EYS: variants seen among roughly 807,000 people sequenced by gnomAD.
EYS encodes EGF-like photoreceptor maintenance factor.
A neutral mutation model predicts 282.1 loss-of-function variants in EYS; 250 were observed. The ratio of observed to expected loss-of-function variants is 0.89; its 90% CI spans 0.80 to 0.98. EYS has a LOEUF of 0.98. Among genes scored for constraint, EYS ranks in the 50% least tolerant of loss-of-function variants. EYS has a pLI of 0.00. For missense variants in EYS, 4,016 were observed against 3,709.0 expected (o/e 1.08, Z -2.15); for synonymous variants, 1,355 against 1,282.9 (o/e 1.06, Z -1.20).
At chr6:65,378,430 TTGG>T (rs1428356828) in intron 8 of EYS, among the ~76,000 whole-genome samples, 3 of 152,138 alleles carry the variant, frequency 2.0e-5, no homozygotes, top group African/African-American at 7.2e-5. Flanking sequence ...TTTTACACTG[TTGG>T]TGGGAGTGTA....
intron 15 of EYS, among the ~76,000 whole-genome samples, chr6:64,925,201 G>A (rs908706296): frequency 3.3e-5 from 5 of 152,130 alleles, no homozygotes; most frequent in Non-Finnish European, 5.9e-5. Flanking sequence ...AAGCAAAAGC[G>A]AAAACCCCTG....
In EYS at chr6:64,673,134, T is replaced by C. The variant is rs566188135; in HGVS notation, c.3444-46889A>G. Among the ~76,000 whole-genome samples, 83 of 152,294 alleles carry C rather than the reference T, an allele frequency of 5.4e-4. 1 individual carries two copies. The South Asian group carries it at 0.017, about 31-fold the overall frequency. ...TTGGAATATTTGTTTTAATAATTTC[T>C]GTAAAAACAAAATGCCATAGAATTT... On this transcript the variant is annotated intron_variant, in intron 22 of 42. Coordinates refer to ENST00000503581, the MANE Select transcript of EYS (RefSeq NM_001142800.2).
intron 31 of EYS, among the ~76,000 whole-genome samples, chr6:64,096,438 C>T (rs1317121155): frequency 6.6e-6 from 1 of 152,148 alleles, no homozygotes; most frequent in Non-Finnish European, 1.5e-5. Flanking sequence ...TTCTTAGAGG[C>T]TTTGTTCATT....
At chr6:64,350,996 C>T (rs1462529915) in intron 29 of EYS, among the ~76,000 whole-genome samples, 4 of 151,188 alleles carry the variant, frequency 2.6e-5, no homozygotes, top group Non-Finnish European at 3.0e-5. Flanking sequence ...GTGTTTGCTT[C>T]GCCTTCCAAC....
intron 30 of EYS, among the ~76,000 whole-genome samples, chr6:64,257,339 T>C (rs1457055545): frequency 1.3e-5 from 2 of 152,042 alleles, no homozygotes; most frequent in East Asian, 3.9e-4. Context: ...AATTTCTCCC[T>C]TTTTCTATTT....
chr6:64,519,824 G>C (rs1281300834), intron 26 of EYS, among the ~76,000 whole-genome samples: 1 of 151,752 alleles, frequency 6.6e-6, no homozygotes, highest in Non-Finnish European at 1.5e-5. Context: ...GGGGAGGAAG[G>C]GATGTCAAAA....
chr6:64,513,729 T>C (rs1777475948), intron 26 of EYS, among the ~76,000 whole-genome samples: 1 of 151,868 alleles, frequency 6.6e-6, no homozygotes, highest in Non-Finnish European at 1.5e-5. Flanking sequence ...ATGTATTAAC[T>C]CAGTGAATAT....
chr6:65,060,190 T>C lies in EYS; in HGVS notation c.2024-2463A>G, dbSNP rs200192747. Reference sequence around the variant, plus strand: ...AATGAGGATAAAGAATTTATGATCTTAGACATCAGGAGGGTTTGACAAGAC... The same window carrying C: ...AATGAGGATAAAGAATTTATGATCTCAGACATCAGGAGGGTTTGACAAGAC... On this transcript the variant is annotated intron_variant, in intron 12 of 42. Coordinates refer to ENST00000503581, the MANE Select transcript of EYS (RefSeq NM_001142800.2). Among the ~76,000 whole-genome samples, 22 of 151,964 alleles carry C rather than the reference T, an allele frequency of 1.4e-4. No individual in the cohort carries two copies. In the East Asian group the frequency reaches 3.5e-3, roughly 24 times the overall value.
intron 2 of EYS, among the ~76,000 whole-genome samples, chr6:65,622,408 A>C (rs1169031718): frequency 6.6e-6 from 1 of 152,120 alleles, no homozygotes; most frequent in Non-Finnish European, 1.5e-5. Context: ...TTCTGCTATT[A>C]ATCAAATTTT....
intron 2 of EYS, among the ~76,000 whole-genome samples, chr6:65,508,277 G>A (rs921946106): frequency 1.3e-5 from 2 of 152,036 alleles, no homozygotes; most frequent in Admixed American, 6.6e-5. Context: ...TGATGGTAAC[G>A]TATAAGAGAG....
At chr6:63,910,631 A>G (rs1773889786) in intron 35 of EYS, among the ~76,000 whole-genome samples, 1 of 152,180 alleles carries the variant, frequency 6.6e-6, no homozygotes, top group Non-Finnish European at 1.5e-5. Flanking sequence ...TACTTACCAT[A>G]CAGAAGAAAT....
At chr6:64,699,389 T>A (rs1227578911) in intron 22 of EYS, among the ~76,000 whole-genome samples, 1 of 152,082 alleles carries the variant, frequency 6.6e-6, no homozygotes, top group African/African-American at 2.4e-5. Context: ...GCTGAATACC[T>A]GGGTGATAAA....
intron 36 of EYS, among the ~76,000 whole-genome samples, chr6:63,845,531 A>C (rs1456420384): frequency 6.6e-6 from 1 of 152,160 alleles, no homozygotes; most frequent in African/African-American, 2.4e-5. Flanking sequence ...GGGTGAAAAA[A>C]AAAGAGGTGT....
rs369870706 is a variant in EYS, at chr6:64,605,943, A to C, written c.3684+11475T>G. ...TCACAGAATGTTCAACTGACTGCTC[A>C]TAAGAAAAGACATTTATTTCATGAA... On this transcript the variant is annotated intron_variant, in intron 24 of 42. Transcript: ENST00000503581. 3.3e-5 allele frequency among the ~76,000 whole-genome samples: 5 copies of C among 152,142 alleles called. No individual in the cohort carries two copies. In the South Asian group the frequency reaches 8.3e-4, roughly 25 times the overall value.
intron 12 of EYS, among the ~76,000 whole-genome samples, chr6:65,285,855 CAGGAG>C (rs1412888795): frequency 2.0e-5 from 3 of 151,754 alleles, no homozygotes; most frequent in Non-Finnish European, 4.4e-5. Flanking sequence ...TATAAAAAAT[CAGGAG>C]AAAAAGTTCC....
intron 9 of EYS, among the ~76,000 whole-genome samples, chr6:65,352,966 C>T (rs1248634802): frequency 2.0e-5 from 3 of 151,948 alleles, no homozygotes; most frequent in African/African-American, 4.8e-5. Context: ...TCCAACTTCT[C>T]TGCCATGACA....
At position 64,557,217 on chromosome 6, in the gene EYS, TACACACACACACAC is replaced by T. The variant is rs3994994; in HGVS notation, c.5644+32992_5644+33005del. ...ACACACACAGATACACACACACACA[TACACACACACACAC>T]ACACACACACACACACACACATTTT... On this transcript the variant is annotated intron_variant, in intron 26 of 42. Coordinates refer to ENST00000503581, the MANE Select transcript of EYS (RefSeq NM_001142800.2). Among the ~76,000 whole-genome samples, 117 of 148,032 alleles carry T rather than the reference TACACACACACACAC, an allele frequency of 7.9e-4. 2 individuals are homozygous for T. The highest frequency in any genetic ancestry group is 3.5e-3 in the Middle Eastern group (1 of 286).
At chr6:64,793,495 A>G (rs1774255042) in intron 22 of EYS, among the ~76,000 whole-genome samples, 1 of 152,194 alleles carries the variant, frequency 6.6e-6, no homozygotes, top group Non-Finnish European at 1.5e-5. Flanking sequence ...GCTCAAATGC[A>G]TATTGGATAA....
intron 26 of EYS, among the ~76,000 whole-genome samples, chr6:64,553,726 T>A (rs1765161106): frequency 6.6e-6 from 1 of 151,990 alleles, no homozygotes; most frequent in Non-Finnish European, 1.5e-5. Flanking sequence ...TTAATGGGGG[T>A]TCTTTTAAAA....
Sources: gnomAD v4.1 joint callset for allele counts (sites outside exome capture counted in the v4.1 genomes callset) on GRCh38, gnomAD v4.1.1 for gene constraint, MANE v1.5 for transcripts, NCBI Gene and HGNC (gene_info 2026-07-23, HGNC 2026-07-21) for gene names.